RASAL2: variants seen among roughly 807,000 people sequenced by gnomAD.
RASAL2 encodes the protein RAS protein activator like 2.
A neutral mutation model predicts 128.9 loss-of-function variants in RASAL2; 58 were observed. The ratio of observed to expected loss-of-function variants is 0.45; its 90% CI spans 0.36 to 0.56. The LOEUF (loss-of-function observed/expected upper bound fraction) is 0.56. RASAL2 is among the 20% of genes least tolerant of loss of function. The pLI is 0.00. For missense variants in RASAL2, 1,360 were observed against 1,601.6 expected, an observed-to-expected ratio of 0.85 and a Z score of 2.57; for synonymous variants, 561 against 580.8, an observed-to-expected ratio of 0.97 and a Z score of 0.49.
chr1:178,466,558 G>A (rs1647722328), intron 16 of RASAL2, among the ~76,000 whole-genome samples: 2 of 152,198 alleles, frequency 1.3e-5, no homozygotes, highest in Admixed American at 1.3e-4. Context: ...CCAAACACTT[G>A]TATAGCACTC....
chr1:178,152,558 G>T (rs565486342), intron 1 of RASAL2, among the ~76,000 whole-genome samples: 2 of 152,150 alleles, frequency 1.3e-5, no homozygotes, highest in East Asian at 1.9e-4. Flanking sequence ...CCAGCTACTC[G>T]GGAGGCTGAG....
chr1:178,141,051 A>G (rs1301333522), intron 1 of RASAL2, among the ~76,000 whole-genome samples: 1 of 152,166 alleles, frequency 6.6e-6, no homozygotes, highest in Non-Finnish European at 1.5e-5. Flanking sequence ...TTAAACAGCC[A>G]GGTCTTATGT....
At chr1:178,213,191 G>A (rs943726406) in intron 1 of RASAL2, among the ~76,000 whole-genome samples, 1 of 152,212 alleles carries the variant, frequency 6.6e-6, no homozygotes, top group African/African-American at 2.4e-5. Context: ...GCATGCTACT[G>A]TGCCCAGTTC....
intron 6 of RASAL2, 60 bp downstream of exon 6, chr1:178,439,635 A>G: frequency 6.5e-7 from 1 of 1,544,706 alleles, no homozygotes; most frequent in Non-Finnish European, 8.8e-7. Flanking sequence ...TTTTATGTCC[A>G]GTAATTTTGC....
Position 178,458,325 on chromosome 1 carries a change from C to T in RASAL2, c.3033C>T (p.Ile1011=), listed in dbSNP as rs1374186666. 3.1e-6 allele frequency: 5 copies of T among 1,614,246 alleles called. No individual in the cohort carries two copies. In the East Asian group the frequency reaches 1.1e-4, roughly 36 times the overall value. ...PRQNSTGQAQ[I]RKVDQGGLGA... ...AAAATAGTACTGGGCAGGCCCAGAT[C>T]CGAAAAGTGGACCAGGGTGGGTTAG... Residue 1011 remains isoleucine, a synonymous_variant, in exon 14 of 18, where the codon ATC becomes ATT. Coordinates refer to ENST00000367649, the MANE Select transcript of RASAL2 (RefSeq NM_170692.4).
intron 1 of RASAL2, among the ~76,000 whole-genome samples, chr1:178,250,162 G>A (rs898323812): frequency 6.6e-6 from 1 of 152,182 alleles, no homozygotes; most frequent in Non-Finnish European, 1.5e-5. Flanking sequence ...TATGTCTGCT[G>A]AAGCTGCGCC....
intron 1 of RASAL2, among the ~76,000 whole-genome samples, chr1:178,138,709 T>C (rs947347124): frequency 6.6e-6 from 1 of 152,170 alleles, no homozygotes; most frequent in Admixed American, 6.6e-5. Flanking sequence ...ACAGTAGACA[T>C]GAAGTTATAT....
intron 1 of RASAL2, among the ~76,000 whole-genome samples, chr1:178,244,464 A>G (rs1664673019): frequency 6.6e-6 from 1 of 152,134 alleles, no homozygotes; most frequent in African/African-American, 2.4e-5. Context: ...GCTGGTCTTG[A>G]ACTCCTGACC....
chr1:178,216,717 GC>G (rs1663433373), intron 1 of RASAL2, among the ~76,000 whole-genome samples: 1 of 152,138 alleles, frequency 6.6e-6, no homozygotes, highest in Admixed American at 6.5e-5. Context: ...TTGGCTCACT[GC>G]AGCCTCTGCC....
chr1:178,445,547 G>C lies in RASAL2; in HGVS notation c.1512G>C (p.Glu504Asp). Residue 504 changes from glutamate to aspartate, a missense_variant, in exon 9 of 18, where the codon GAG (glutamate) becomes GAC (aspartate). Glu to Asp is a conservative substitution (Grantham distance 45, BLOSUM62 2). This residue lies in a region of RASAL2 where 617 missense variants were observed against 714.2 expected (regional missense o/e 0.86). Transcript: ENST00000367649. ...KDFLTDLVMS[E>D]VDRCGEHDVL... is the part of the protein sequence containing the mutation. ...TTCTGACTGACTTGGTGATGTCTGA[G>C]GTGGATCGTTGTGGAGAGCATGATG... 6 of 1,613,774 alleles carry C rather than the reference G, an allele frequency of 3.7e-6. No homozygotes were observed. The highest frequency in any genetic ancestry group is 5.1e-6 in the Non-Finnish European group (6 of 1,179,752).
At chr1:178,337,919 A>G (rs536195370) in intron 3 of RASAL2, among the ~76,000 whole-genome samples, 1 of 151,342 alleles carries the variant, frequency 6.6e-6, no homozygotes, top group African/African-American at 2.4e-5. Context: ...TTCAGTAGAG[A>G]CAGGGTTTCA....
intron 3 of RASAL2, among the ~76,000 whole-genome samples, chr1:178,360,229 C>CGTA (rs1279510506): frequency 6.6e-6 from 1 of 152,152 alleles, no homozygotes; most frequent in African/African-American, 2.4e-5. Context: ...CCTGCTCTAC[C>CGTA]CTCTTCAACT....
intron 1 of RASAL2, among the ~76,000 whole-genome samples, chr1:178,222,254 G>A (rs191239874): frequency 5.0e-4 from 76 of 151,968 alleles, no homozygotes; most frequent in African/African-American, 1.7e-3. Context: ...TGATATATTT[G>A]GATTATTAAT....
chr1:178,154,450 A>C (rs998116373), intron 1 of RASAL2, among the ~76,000 whole-genome samples: 6 of 151,982 alleles, frequency 3.9e-5, no homozygotes, highest in Admixed American at 6.6e-5. Flanking sequence ...TGCCTAGCCT[A>C]TGATTAATTT....
chr1:178,420,668 T>C, intron 5 of RASAL2, 48 bp downstream of exon 5: 3 of 1,364,154 alleles, frequency 2.2e-6, no homozygotes, highest in Non-Finnish European at 3.0e-6. Flanking sequence ...TGAGAGTGAA[T>C]TTTGTTAAGG....
intron 2 of RASAL2, among the ~76,000 whole-genome samples, chr1:178,295,222 G>A (rs937026472): frequency 1.2e-4 from 18 of 150,848 alleles, no homozygotes; most frequent in African/African-American, 3.9e-4. Flanking sequence ...AGTGGTCTAA[G>A]CGTTGGCATT....
chr1:178,264,691 T>A (rs1434037329), intron 1 of RASAL2, among the ~76,000 whole-genome samples: 1 of 152,198 alleles, frequency 6.6e-6, no homozygotes, highest in Non-Finnish European at 1.5e-5. Context: ...TTTTAGGGTA[T>A]ACCAGCATCC....
At chr1:178,132,238 G>A (rs1235001641) in intron 1 of RASAL2, among the ~76,000 whole-genome samples, 4 of 118,460 alleles carry the variant, frequency 3.4e-5, no homozygotes, top group African/African-American at 8.8e-5. Context: ...TTTTTTTTTT[G>A]TAGAGACAGA....
At chr1:178,345,483 T>C (rs895467774) in intron 3 of RASAL2, among the ~76,000 whole-genome samples, 5 of 152,192 alleles carry the variant, frequency 3.3e-5, no homozygotes, top group Admixed American at 2.6e-4. Flanking sequence ...TTGAAAAATG[T>C]TGTAACAGCA....
Sources: gnomAD v4.1 joint callset for allele counts (sites outside exome capture counted in the v4.1 genomes callset) on GRCh38, gnomAD v4.1.1 for gene constraint, gnomAD v4.1.1 regional missense constraint, MANE v1.5 for transcripts, NCBI Gene and HGNC (gene_info 2026-07-23, HGNC 2026-07-21) for gene names.